BMP5: variants seen among roughly 807,000 people sequenced by gnomAD.
The protein encoded by BMP5 is bone morphogenetic protein 5.
Under a neutral mutation model 46.6 loss-of-function variants are expected in BMP5, and 23 were observed. That is an observed-to-expected ratio of 0.49 (90% CI 0.35 to 0.70). The LOEUF is 0.70. Ranked by LOEUF, BMP5 falls within the 30% of genes least tolerant of loss-of-function variation. BMP5 has a pLI of 0.00. For synonymous variants in BMP5, 204 were observed against 191.9 expected (o/e 1.06, Z -0.52); for missense variants, 545 against 565.6 (o/e 0.96, Z 0.37).
At chr6:55,787,376 T>C (rs960373772) in intron 3 of BMP5, among the ~76,000 whole-genome samples, 1 of 151,738 alleles carries the variant, frequency 6.6e-6, no homozygotes, top group Non-Finnish European at 1.5e-5. Context: ...TATTCAGTTG[T>C]AAATTATATC....
chr6:55,837,335 T>TTAGATAGATGA (rs58215786), intron 1 of BMP5, among the ~76,000 whole-genome samples: 1 of 123,962 alleles, frequency 8.1e-6, no homozygotes, highest in Non-Finnish European at 1.7e-5. Context: ...TAAAACTAAT[T>TTAGATAGATGA]TAGATAGATA....
At chr6:55,818,039 A>G (rs1032173736) in intron 2 of BMP5, among the ~76,000 whole-genome samples, 1 of 152,166 alleles carries the variant, frequency 6.6e-6, no homozygotes, top group African/African-American at 2.4e-5. Context: ...GCACCCCCAG[A>G]CTAACTTCTG....
chr6:55,824,641 T>C lies in BMP5; in HGVS notation c.491-4794A>G, dbSNP rs566802703. Among the ~76,000 whole-genome samples, 5 of 152,090 alleles carry C rather than the reference T, an allele frequency of 3.3e-5. No individual in the cohort carries two copies. In the East Asian group the frequency reaches 9.6e-4, roughly 29 times the overall value. The stretch of plus-strand genomic sequence containing the variant: ...ACTGAGATCAGGGGTTAATGCTTTT[T>C]TTCCTAGTACCATCCCTTATCTCAG... On this transcript the variant is annotated intron_variant, in intron 1 of 6. Coordinates refer to ENST00000370830, the MANE Select transcript of BMP5 (RefSeq NM_021073.4).
chr6:55,777,609 A>G (rs1775207073), intron 3 of BMP5, among the ~76,000 whole-genome samples: 1 of 152,002 alleles, frequency 6.6e-6, no homozygotes, highest in Non-Finnish European at 1.5e-5. Flanking sequence ...CTTAGGATTC[A>G]GACACATCCA....
intron 1 of BMP5, among the ~76,000 whole-genome samples, chr6:55,851,137 CTT>C (rs11340072): frequency 0.011 from 1,480 of 140,560 alleles, 25 homozygotes; most frequent in African/African-American, 0.031. Flanking sequence ...TTTTGTTTTG[CTT>C]TTTTTTTTTT....
chr6:55,782,079 G>T (rs984993002), intron 3 of BMP5, among the ~76,000 whole-genome samples: 11 of 151,966 alleles, frequency 7.2e-5, no homozygotes, highest in Non-Finnish European at 1.3e-4. Flanking sequence ...CTGATACTGA[G>T]ATACCTAATG....
At chr6:55,826,824 A>G (rs1264125077) in intron 1 of BMP5, among the ~76,000 whole-genome samples, 1 of 151,802 alleles carries the variant, frequency 6.6e-6, no homozygotes, top group Non-Finnish European at 1.5e-5. Context: ...CTCATGGTAC[A>G]GATAAACAAT....
chr6:55,794,109 A>T (rs888530662), intron 3 of BMP5, among the ~76,000 whole-genome samples, 170 bp downstream of exon 3: 18 of 152,270 alleles, frequency 1.2e-4, no homozygotes, highest in African/African-American at 4.3e-4. Context: ...TATTGGATAA[A>T]TGTGTTCTGA....
At chr6:55,825,759 T>C (rs1376826953) in intron 1 of BMP5, among the ~76,000 whole-genome samples, 3 of 151,892 alleles carry the variant, frequency 2.0e-5, no homozygotes, top group Non-Finnish European at 4.4e-5. Flanking sequence ...TATGTAGTGA[T>C]TTATCTGCAG....
intron 3 of BMP5, among the ~76,000 whole-genome samples, chr6:55,783,605 TAG>T (rs984795588): frequency 6.6e-5 from 10 of 151,886 alleles, no homozygotes; most frequent in Non-Finnish European, 1.3e-4. Flanking sequence ...TAAACTTAAG[TAG>T]AAAGAAAAGA....
chr6:55,760,753 C>T (rs1249607659), intron 4 of BMP5, among the ~76,000 whole-genome samples: 3 of 151,960 alleles, frequency 2.0e-5, no homozygotes, highest in Non-Finnish European at 4.4e-5. Context: ...ATACCATTTA[C>T]CTGATGAAGC....
chr6:55,756,206 T>C (rs1023694737), intron 6 of BMP5, among the ~76,000 whole-genome samples: 3 of 151,994 alleles, frequency 2.0e-5, no homozygotes, highest in African/African-American at 7.2e-5. Context: ...AAAATCCACA[T>C]ATAATCCAAT....
chr6:55,754,774 AT>A lies in BMP5; in HGVS notation c.*758del, dbSNP rs1774538696. On this transcript the variant is annotated 3_prime_UTR_variant, in exon 7 of 7. Transcript: ENST00000370830. Reference sequence around the variant, plus strand: ...GTGTTCTAGATAATAGGCAGACATGATTTATTTGAGGTAAGAAGGTTGTACT... The same window carrying A: ...GTGTTCTAGATAATAGGCAGACATGATTATTTGAGGTAAGAAGGTTGTACT... 1 of 151,966 alleles carries A rather than the reference AT, an allele frequency of 6.6e-6. No individual in the cohort carries two copies. Among genetic ancestry groups the A allele is most frequent in the African/African-American group, 2.4e-5 (1 of 41,434 alleles). The allele number at this position is 151,966 out of a possible 1,614,324, so 9.4% of individuals were successfully genotyped here. A position where few individuals can be genotyped will look rare whatever the true frequency, so the allele number is the denominator to read the frequency against.
chr6:55,840,152 A>T (rs1191269867), intron 1 of BMP5, among the ~76,000 whole-genome samples: 1 of 152,028 alleles, frequency 6.6e-6, no homozygotes, highest in African/African-American at 2.4e-5. Context: ...ATATTTCTTA[A>T]TTTTATTTTC....
chr6:55,848,649 T>C (rs1041324586), intron 1 of BMP5, among the ~76,000 whole-genome samples: 3 of 151,944 alleles, frequency 2.0e-5, no homozygotes, highest in African/African-American at 7.2e-5. Context: ...CCGTGGATGA[T>C]CATAGTTGGT....
chr6:55,859,677 C>G (rs1777484415), intron 1 of BMP5, among the ~76,000 whole-genome samples: 1 of 152,102 alleles, frequency 6.6e-6, no homozygotes, highest in Non-Finnish European at 1.5e-5. Context: ...TTTTCCTGCT[C>G]CTTTTTAATT....
chr6:55,846,747 A>G (rs1414169706), intron 1 of BMP5, among the ~76,000 whole-genome samples: 1 of 151,784 alleles, frequency 6.6e-6, no homozygotes, highest in East Asian at 1.9e-4. Flanking sequence ...GAATATCTTC[A>G]TTACTGGTAG....
At chr6:55,853,868 G>C (rs1449098364) in intron 1 of BMP5, among the ~76,000 whole-genome samples, 2 of 152,068 alleles carry the variant, frequency 1.3e-5, no homozygotes, top group Admixed American at 1.3e-4. Flanking sequence ...TCTACTGTTT[G>C]CTTGCAGGAA....
chr6:55,797,604 A>ATTTTC (rs933561465), intron 2 of BMP5, among the ~76,000 whole-genome samples: 2 of 134,340 alleles, frequency 1.5e-5, no homozygotes, highest in Admixed American at 7.5e-5. Context: ...GTTTGTGATT[A>ATTTTC]TTTTCTTTTC....
Sources: allele counts gnomAD v4.1 joint callset (sites outside exome capture counted in the v4.1 genomes callset), GRCh38; gene constraint gnomAD v4.1.1; transcripts MANE v1.5; gene names NCBI Gene and HGNC (gene_info 2026-07-23, HGNC 2026-07-21).